The following ANKLE2 variants were observed in gnomAD, a reference collection of about 807,000 sequenced individuals.
ANKLE2 encodes the protein ankyrin repeat and LEM domain containing 2.
Under a neutral mutation model 84.2 loss-of-function variants are expected in ANKLE2, and 55 were observed. The observed-to-expected ratio is 0.65, with a 90% CI of 0.53 to 0.82. The LOEUF is 0.82. Ranked by LOEUF, ANKLE2 falls within the 40% of genes least tolerant of loss-of-function variation. The probability of loss-of-function intolerance (pLI) is 0.00; values close to 1 mark genes in which losing one functional copy is unlikely to be tolerated. For missense variants in ANKLE2, 1,238 were observed against 1,201.9 expected (o/e 1.03, Z -0.44); for synonymous variants, 551 against 486.1 (o/e 1.13, Z -1.76).
rs768790683 is a variant in ANKLE2, at chr12:132,748,276, G to A, written c.903C>T (p.Tyr301=). Residue 301 remains tyrosine, a synonymous_variant, in exon 4 of 13, where the codon TAC becomes TAT. Coordinates refer to ENST00000357997, the MANE Select transcript of ANKLE2 (RefSeq NM_015114.3). The part of the protein sequence containing the change: ...ETVNKERANS[Y]KNPRTQDLTA... ...TGAGGTCCTGCGTGCGGGGATTTTTGTAACTGTTCGCTCGCTCTTTGTTGA... is the reference window on the plus strand; with the variant it reads ...TGAGGTCCTGCGTGCGGGGATTTTTATAACTGTTCGCTCGCTCTTTGTTGA... 8.7e-6 allele frequency: 14 copies of A among 1,614,078 alleles called. No individual in the cohort carries two copies. The African/African-American group carries it at 1.3e-4, about 15-fold the overall frequency.
rs776151009 is a variant in ANKLE2, at chr12:132,728,175, A to G, written c.2484-12T>C. 3.5e-5 allele frequency: 56 copies of G among 1,605,520 alleles called. No homozygotes were observed. The highest frequency in any genetic ancestry group is 4.6e-5 in the Non-Finnish European group (54 of 1,178,280). On this transcript the variant is annotated splice_polypyrimidine_tract_variant and intron_variant, in intron 11 of 12. Transcript: ENST00000357997. ...TTGATGGCTCCTCTCTAGAAAGCAC[A>G]ATAAAAGAAGCAAAAACATCTTTGG...
intron 7 of ANKLE2, among the ~76,000 whole-genome samples, chr12:132,739,320 T>C (rs1419055775): frequency 1.6e-4 from 25 of 152,200 alleles, no homozygotes; most frequent in Non-Finnish European, 1.2e-4. Flanking sequence ...AGAATTTCCA[T>C]TCAAGAGTAC....
intron 5 of ANKLE2, 113 bp downstream of exon 5, chr12:132,747,719 T>C (rs2044268506): frequency 7.4e-7 from 1 of 1,346,464 alleles, no homozygotes; most frequent in African/African-American, 1.5e-5. Flanking sequence ...AATTGATGTA[T>C]CTTTTCCCCA....
In ANKLE2 at chr12:132,754,660, A is replaced by G. The variant is rs1468394217; in HGVS notation, c.640+15T>C. On this transcript the variant is annotated intron_variant, in intron 2 of 12. Transcript: ENST00000357997. ...TGCTATCTGTGTGAGGAAATCCTAC[A>G]CACGGTCCCATTACCATTTCTCGCT... The G allele has an allele frequency of 2.5e-6, 4 of 1,584,046 alleles. No homozygotes were observed. Among genetic ancestry groups the G allele is most frequent in the Non-Finnish European group, 3.4e-6 (4 of 1,163,012 alleles).
Position 132,743,239 on chromosome 12 carries a change from C to G in ANKLE2, c.1268G>C (p.Gly423Ala), listed in dbSNP as rs767351289. 2 of 1,611,336 alleles carry G rather than the reference C, an allele frequency of 1.2e-6. No individual in the cohort carries two copies. Among genetic ancestry groups the G allele is most frequent in the South Asian group, 2.2e-5 (2 of 90,274 alleles). Residue 423 changes from glycine (G) to alanine (A), a missense_variant, in exon 6 of 13, where the codon GGA becomes GCA. By Grantham distance (60) the Gly-to-Ala change is moderately conservative. Around this residue, in one of 3 missense-constraint regions of ANKLE2, gnomAD observed 802 missense variants for 774.5 expected, o/e 1.04. Transcript: ENST00000357997. This position sits in a 1 kb window ranked among gnomAD's most constrained non-coding sequence, Gnocchi z 4.1. ...DTPLHFACKFGNADVVNVLSS... is the reference protein window; with the variant it reads ...DTPLHFACKFANADVVNVLSS... ...AAGCACGTTGACTACATCTGCATTT[C>G]CAAACTTACAAGCAAAATGCAACGG...
chr12:132,739,096 G>A (rs1174487316), intron 7 of ANKLE2, among the ~76,000 whole-genome samples: 1 of 152,130 alleles, frequency 6.6e-6, no homozygotes, highest in Non-Finnish European at 1.5e-5. Flanking sequence ...AGTCAGCAGG[G>A]CCTGGTTGAG....
chr12:132,737,009 C>T lies in ANKLE2; in HGVS notation c.1477G>A (p.Glu493Lys), dbSNP rs2044023720. The T allele has an allele frequency of 6.2e-7, 1 of 1,613,142 alleles. No homozygotes were observed. The change falls in exon 8 of 13, where the codon GAG becomes AAG. Residue 493 changes from glutamate (E) to lysine (K), a missense_variant. Coordinates refer to ENST00000357997, the MANE Select transcript of ANKLE2 (RefSeq NM_015114.3). ...AEETSSPVIG[E>K]LWSPDQTAEA... Reference sequence around the variant, plus strand: ...GCCGTCTGGTCTGGGGACCACAGCTCCCCGATGACTGGAGAAGAAGTCTCT... The same window carrying T: ...GCCGTCTGGTCTGGGGACCACAGCTTCCCGATGACTGGAGAAGAAGTCTCT...
intron 3 of ANKLE2, 33 bp from the exon 4 acceptor site, chr12:132,748,364 A>C (rs1262105867): frequency 6.2e-7 from 1 of 1,612,074 alleles, no homozygotes; most frequent in Non-Finnish European, 8.5e-7. Context: ...AAGAACAATC[A>C]GTTTCACCAA....
At chr12:132,734,339 T>TG in intron 10 of ANKLE2, 46 bp downstream of exon 10, 3 of 1,600,556 alleles carry the variant, frequency 1.9e-6, no homozygotes, top group South Asian at 2.2e-5. Flanking sequence ...ACCCCGGCCA[T>TG]GGGGGGCCCC....
In ANKLE2 at chr12:132,760,134, A is replaced by C. The variant is rs1263772867; in HGVS notation, c.181+1484T>G. 2.4e-4 allele frequency: 5 copies of C among 21,100 alleles called. No homozygotes were observed. In the East Asian group the frequency reaches 6.6e-3, roughly 28 times the overall value. The allele number at this position is 21,100 out of a possible 1,614,324, so 1.3% of individuals were successfully genotyped here. The stretch of plus-strand genomic sequence containing the variant: ...GGGCCACAGGGCGAGACTACATTTC[A>C]AAAAAAAAAAAAAAAAAAAGTGGTA... On this transcript the variant is annotated intron_variant, in intron 1 of 12. Coordinates refer to ENST00000357997, the MANE Select transcript of ANKLE2 (RefSeq NM_015114.3).
Position 132,741,497 on chromosome 12 carries a change from A to G in ANKLE2, c.1354-12T>C. On this transcript the variant is annotated splice_polypyrimidine_tract_variant and intron_variant, in intron 6 of 12. Transcript: ENST00000357997. ...CTTTCACAAATTACCTATTGGAAAA[A>G]AAAGTGTGTCTAAATCTTATTTGAT... is the stretch of plus-strand genomic sequence containing the variant. 2 of 1,612,982 alleles carry G rather than the reference A, an allele frequency of 1.2e-6. No homozygotes were observed. Among genetic ancestry groups the G allele is most frequent in the Non-Finnish European group, 8.5e-7 (1 of 1,179,076 alleles).
At chr12:132,749,196 C>T (rs527576871) in intron 3 of ANKLE2, among the ~76,000 whole-genome samples, 52 of 152,252 alleles carry the variant, frequency 3.4e-4, no homozygotes, top group African/African-American at 1.2e-3. Flanking sequence ...TGCTCTTTCG[C>T]CCAGGCTGGA....
In ANKLE2 at chr12:132,735,428, T is replaced by C. The variant is rs1456197717; in HGVS notation, c.1678A>G (p.Arg560Gly). The C allele has an allele frequency of 2.5e-6, 4 of 1,614,032 alleles. No individual in the cohort carries two copies. Among genetic ancestry groups the C allele is most frequent in the Admixed American group, 3.3e-5 (2 of 60,002 alleles). Reference protein sequence around the residue: ...LHHVKKSDPERGFERVGRELA... With the variant: ...LHHVKKSDPEGGFERVGRELA... Reference sequence around the variant, plus strand: ...TACCTTCCCACTCTCTCAAAGCCTCTTTCCGGGTCCGACTTCTTGACGTGG... The same window carrying C: ...TACCTTCCCACTCTCTCAAAGCCTCCTTCCGGGTCCGACTTCTTGACGTGG... Residue 560 changes from arginine (R) to glycine (G), a missense_variant, in exon 9 of 13, where the codon AGA (arginine) becomes GGA (glycine). Physicochemically the swap from Arg to Gly is moderately radical, Grantham distance 125 (BLOSUM62 -2). Around this residue, in one of 3 missense-constraint regions of ANKLE2, gnomAD observed 802 missense variants for 774.5 expected, o/e 1.04. Transcript: ENST00000357997.
intron 11 of ANKLE2, among the ~76,000 whole-genome samples, chr12:132,728,929 A>G (rs1167841691): frequency 1.3e-5 from 2 of 152,212 alleles, no homozygotes; most frequent in Non-Finnish European, 2.9e-5. Context: ...CACCACTGGC[A>G]GGCACATCCC....
intron 7 of ANKLE2, chr12:132,738,153 T>G (rs2044050470): frequency 7.1e-6 from 1 of 141,228 alleles, no homozygotes; most frequent in Non-Finnish European, 1.5e-5. Flanking sequence ...ATCCTGCTTC[T>G]CTTGTAGTTT....
At position 132,730,163 on chromosome 12, in the gene ANKLE2, C is replaced by G. The variant is rs775294384; in HGVS notation, c.1999G>C (p.Gly667Arg). 2 of 1,610,288 alleles carry G rather than the reference C, an allele frequency of 1.2e-6. No homozygotes were observed. Among genetic ancestry groups the G allele is most frequent in the African/African-American group, 2.7e-5 (2 of 74,862 alleles). The part of the protein sequence containing the change: ...AARNNSPPTV[G>R]AFGHTRCSAF... ...CTGCACCTCGTATGTCCAAAAGCAC[C>G]GACTGTGGGCGGGCTGTTATTTCGA... The change falls in exon 11 of 13, where the codon GGT becomes CGT. Residue 667 changes from glycine (G) to arginine (R), a missense_variant. By Grantham distance (125) the Gly-to-Arg change is moderately radical. This residue lies in a region of ANKLE2 where 802 missense variants were observed against 774.5 expected (regional missense o/e 1.04). Coordinates refer to ENST00000357997, the MANE Select transcript of ANKLE2 (RefSeq NM_015114.3).
chr12:132,761,649 A>G lies in ANKLE2; in HGVS notation c.150T>C (p.Pro50=), dbSNP rs1396262097. 3.9e-6 allele frequency: 5 copies of G among 1,271,542 alleles called. No individual in the cohort carries two copies. In the East Asian group the frequency reaches 9.7e-5, roughly 25 times the overall value. 78.8% of individuals were successfully genotyped at this position (1,271,542 alleles called of 1,614,324 possible). A position where few individuals can be genotyped will look rare whatever the true frequency, so the allele number is the denominator to read the frequency against. ...GGLGRSGTPV[P]PPSAAAAPAS... is the part of the protein sequence containing the mutation. ...CGGGGGCGGCGGCCGCGCTTGGCGG[A>G]GGAACTGGGGTCCCGCTGCGGCCCA... The change falls in exon 1 of 13, where the codon CCT becomes CCC. Residue 50 remains proline (P), a synonymous_variant. Transcript: ENST00000357997.
intron 9 of ANKLE2, 148 bp from the exon 10 acceptor site, chr12:132,734,723 A>G: frequency 1.3e-6 from 1 of 769,956 alleles, no homozygotes; most frequent in East Asian, 2.8e-5. Flanking sequence ...GGCAGCTGAA[A>G]TCATACGGTG....
intron 1 of ANKLE2, chr12:132,759,333 A>G (rs970268519): frequency 7.2e-5 from 11 of 152,228 alleles, no homozygotes; most frequent in African/African-American, 2.7e-4. Context: ...TAAAGTTGCT[A>G]TGAACATTAA....
Sources: allele counts gnomAD v4.1 joint callset (sites outside exome capture counted in the v4.1 genomes callset), GRCh38; gene constraint gnomAD v4.1.1; regional missense constraint gnomAD v4.1.1; non-coding constraint Gnocchi (gnomAD v3.1); transcripts MANE v1.5; gene names NCBI Gene and HGNC (gene_info 2026-07-23, HGNC 2026-07-21).